Variants in DISC1 observed in about 807,000 individuals in gnomAD.
The protein encoded by DISC1 is disrupted in schizophrenia 1 protein.
Under a neutral mutation model 84.5 loss-of-function variants are expected in DISC1, and 57 were observed. That is an observed-to-expected ratio of 0.67 (90% CI 0.55 to 0.84). The LOEUF (loss-of-function observed/expected upper bound fraction) is 0.84, where lower values mean the gene tolerates loss of function less well. Ranked by LOEUF, DISC1 falls within the 40% of genes least tolerant of loss-of-function variation. DISC1 has a pLI of 0.00. For synonymous variants in DISC1, 411 were observed against 415.2 expected (o/e 0.99, Z 0.12); for missense variants, 1,000 against 1,057.8 (o/e 0.95, Z 0.76).
intron 10 of DISC1, among the ~76,000 whole-genome samples, chr1:232,001,360 T>A (rs3121908): frequency 0.29 from 43,772 of 151,826 alleles, 6,565 homozygotes; most frequent in African/African-American, 0.34. Context: ...ATTACACACG[T>A]GAGCCACCAC....
At chr1:231,799,530 A>G (rs2125634631) in intron 7 of DISC1, among the ~76,000 whole-genome samples, 1 of 152,014 alleles carries the variant, frequency 6.6e-6, no homozygotes, top group East Asian at 2.0e-4. Context: ...AGGGAGGGCC[A>G]AGGGAGGTTG....
At chr1:231,855,135 T>C in intron 9 of DISC1, 1 of 1,009,700 alleles carries the variant, frequency 9.9e-7, no homozygotes, top group African/African-American at 1.7e-5. Flanking sequence ...AAAATTTTGG[T>C]TTTCAATGTT....
At chr1:231,724,365 A>G (rs1164454187) in intron 3 of DISC1, among the ~76,000 whole-genome samples, 1 of 152,184 alleles carries the variant, frequency 6.6e-6, no homozygotes, top group Non-Finnish European at 1.5e-5. Context: ...CTATGTTTAA[A>G]GATGGCAGTG....
chr1:231,668,735 A>G (rs1317889757), intron 1 of DISC1, among the ~76,000 whole-genome samples: 1 of 152,218 alleles, frequency 6.6e-6, no homozygotes, highest in Non-Finnish European at 1.5e-5. Flanking sequence ...AGTGATAGTG[A>G]TACCAAAAAA....
chr1:231,882,673 G>C (rs1206345650), intron 9 of DISC1, among the ~76,000 whole-genome samples: 1 of 152,090 alleles, frequency 6.6e-6, no homozygotes, highest in Admixed American at 6.6e-5. Context: ...CAAGTTTTTA[G>C]GTCAGAAAGG....
chr1:231,925,082 C>T (rs1013670423), intron 9 of DISC1, among the ~76,000 whole-genome samples: 14 of 151,284 alleles, frequency 9.3e-5, no homozygotes, highest in African/African-American at 3.2e-4. Context: ...CTTAGAGGTT[C>T]GTGTTTATGG....
intron 1 of DISC1, among the ~76,000 whole-genome samples, chr1:231,678,199 A>G (rs148806081): frequency 6.6e-5 from 10 of 152,270 alleles, no homozygotes; most frequent in African/African-American, 2.2e-4. Flanking sequence ...TAATACATAC[A>G]TTGGTCTCGT....
intron 9 of DISC1, among the ~76,000 whole-genome samples, chr1:231,887,637 T>G (rs1177310066): frequency 6.6e-6 from 1 of 152,278 alleles, no homozygotes; most frequent in African/African-American, 2.4e-5. Flanking sequence ...AGTCCAGTTT[T>G]CTGTATTCTA....
intron 8 of DISC1, among the ~76,000 whole-genome samples, chr1:231,807,603 G>T (rs141370031): frequency 2.6e-5 from 4 of 152,130 alleles, no homozygotes; most frequent in Admixed American, 2.6e-4. Flanking sequence ...ACTTCAGTGG[G>T]TACGTCTGGT....
intron 9 of DISC1, among the ~76,000 whole-genome samples, chr1:231,904,549 C>T (rs115273426): frequency 5.5e-4 from 83 of 152,142 alleles, no homozygotes; most frequent in African/African-American, 2.0e-3. Flanking sequence ...TTGCTGTGAA[C>T]CTAAATACAC....
intron 10 of DISC1, among the ~76,000 whole-genome samples, chr1:231,973,466 A>G (rs1351623822): frequency 6.6e-6 from 1 of 152,258 alleles, no homozygotes; most frequent in Admixed American, 6.5e-5. Context: ...GAGTAACTTC[A>G]GGCAGGGAAG....
At chr1:231,765,267 G>A (rs1286449876) in intron 4 of DISC1, among the ~76,000 whole-genome samples, 3 of 150,166 alleles carry the variant, frequency 2.0e-5, no homozygotes, top group Non-Finnish European at 4.4e-5. Context: ...TTTCTGAGGT[G>A]GGGGATCTTG....
At chr1:231,963,655 C>T (rs1393732391) in intron 10 of DISC1, among the ~76,000 whole-genome samples, 2 of 152,132 alleles carry the variant, frequency 1.3e-5, no homozygotes, top group Non-Finnish European at 2.9e-5. Context: ...TCCAAGTGCT[C>T]CTTGACAGGT....
rs1420935196 is a variant in DISC1, at chr1:231,698,307, T to C, written c.1047+3502T>C. 6.6e-6 allele frequency among the ~76,000 whole-genome samples: 1 copy of C among 152,148 alleles called. No individual in the cohort carries two copies. The highest frequency in any genetic ancestry group is 1.5e-5 in the Non-Finnish European group (1 of 68,022). On this transcript the variant is annotated intron_variant, in intron 2 of 12. Transcript: ENST00000439617. The surrounding 1 kb of genome is among the most constrained non-coding windows in gnomAD (Gnocchi z 4.9). ...TACTGTGAATAAGGAGAATCGACTGTGAATATTTTATGCTGTTTAGAAATC... is the reference window on the plus strand; with the variant it reads ...TACTGTGAATAAGGAGAATCGACTGCGAATATTTTATGCTGTTTAGAAATC...
intron 6 of DISC1, among the ~76,000 whole-genome samples, chr1:231,772,801 C>T (rs200199974): frequency 2.4e-4 from 37 of 152,292 alleles, no homozygotes; most frequent in Admixed American, 5.9e-4. Flanking sequence ...TAAAAGCAAG[C>T]GGCACATGCT....
At chr1:231,968,116 A>G (rs1222329627) in intron 10 of DISC1, among the ~76,000 whole-genome samples, 2 of 152,212 alleles carry the variant, frequency 1.3e-5, no homozygotes, top group Non-Finnish European at 2.9e-5. Flanking sequence ...AATACTTTCC[A>G]TTCTATAAGA....
intron 9 of DISC1, among the ~76,000 whole-genome samples, chr1:231,850,273 C>T (rs548564871): frequency 5.9e-5 from 9 of 152,318 alleles, no homozygotes; most frequent in African/African-American, 1.9e-4. Context: ...TTACTGATCA[C>T]TAAATCAGGG....
At chr1:231,762,131 TTC>T (rs1403893208) in intron 4 of DISC1, among the ~76,000 whole-genome samples, 2 of 150,796 alleles carry the variant, frequency 1.3e-5, no homozygotes, top group African/African-American at 2.4e-5. Flanking sequence ...CTTTTTTCTT[TTC>T]TTTCTTTCTT....
intron 1 of DISC1, among the ~76,000 whole-genome samples, chr1:231,660,233 T>C (rs530757965): frequency 6.6e-6 from 1 of 152,334 alleles, no homozygotes; most frequent in East Asian, 1.9e-4. Context: ...AATGCCCTTC[T>C]TTATATTTTT....
Sources: gnomAD v4.1 joint callset for allele counts (sites outside exome capture counted in the v4.1 genomes callset) on GRCh38, gnomAD v4.1.1 for gene constraint, Gnocchi (gnomAD v3.1) non-coding constraint, MANE v1.5 for transcripts, NCBI Gene and HGNC (gene_info 2026-07-23, HGNC 2026-07-21) for gene names.